The following COL24A1 variants were observed in gnomAD, a reference collection of about 807,000 sequenced individuals.
COL24A1 encodes the protein collagen alpha-1(XXIV) chain.
A neutral mutation model predicts 253.9 loss-of-function variants in COL24A1; 224 were observed. The observed-to-expected ratio is 0.88, with a 90% CI of 0.79 to 0.99. The LOEUF is 0.99. Among genes scored for constraint, COL24A1 ranks in the 50% least tolerant of loss-of-function variants. COL24A1 has a pLI of 0.00. For missense variants in COL24A1, 2,131 were observed against 2,068.5 expected (o/e 1.03, Z -0.59); for synonymous variants, 685 against 673.7 (o/e 1.02, Z -0.26).
intron 4 of COL24A1, among the ~76,000 whole-genome samples, chr1:86,114,072 T>C (rs986613127): frequency 5.9e-5 from 9 of 152,078 alleles, no homozygotes; most frequent in African/African-American, 2.2e-4. Context: ...GAAAAATTAA[T>C]ATCAATGAAA....
At chr1:85,827,240 G>A (rs936198022) in intron 43 of COL24A1, among the ~76,000 whole-genome samples, 198 of 151,754 alleles carry the variant, frequency 1.3e-3, no homozygotes, top group African/African-American at 4.3e-3. Flanking sequence ...ATTGAATTGC[G>A]TATATTGAAC....
Position 86,089,222 on chromosome 1 carries a change from A to G in COL24A1, c.1659T>C (p.Asp553=), listed in dbSNP as rs1703306503. ...PGQPVPGEKG[D]QGLSGLMGPP... ...GGCCCATTAATCCAGAAAGGCCTTG[A>G]TCACCCTATAAACAAAATACAGACG... Residue 553 remains aspartate, a synonymous_variant, in exon 7 of 60, where the codon GAT becomes GAC. Coordinates refer to ENST00000370571, the MANE Select transcript of COL24A1 (RefSeq NM_152890.7). 6 of 1,587,046 alleles carry G rather than the reference A, an allele frequency of 3.8e-6. No homozygotes were observed. The East Asian group carries it at 1.4e-4, about 36-fold the overall frequency.
At chr1:85,827,276 C>G (rs1188106110) in intron 43 of COL24A1, among the ~76,000 whole-genome samples, 1 of 151,406 alleles carries the variant, frequency 6.6e-6, no homozygotes, top group Non-Finnish European at 1.5e-5. Context: ...GGGATGAAGC[C>G]CACTTGATCA....
At position 86,066,363 on chromosome 1, in the gene COL24A1, G is replaced by A. The variant is rs560284442; in HGVS notation, c.1708-2604C>T. Among the ~76,000 whole-genome samples, 49 of 149,920 alleles carry A rather than the reference G, an allele frequency of 3.3e-4. 1 individual carries two copies. Among genetic ancestry groups the A allele is most frequent in the Non-Finnish European group, 5.6e-4 (38 of 67,572 alleles). Reference sequence around the variant, plus strand: ...GCGCCATTCTCCTGCCTCAGCCTCCGGAGTAGCTGGGACTTCAGGCGCCCG... The same window carrying A: ...GCGCCATTCTCCTGCCTCAGCCTCCAGAGTAGCTGGGACTTCAGGCGCCCG... On this transcript the variant is annotated intron_variant, in intron 7 of 59. Transcript: ENST00000370571.
intron 47 of COL24A1, among the ~76,000 whole-genome samples, chr1:85,793,351 C>A (rs777500554): frequency 6.6e-6 from 1 of 151,750 alleles, no homozygotes; most frequent in African/African-American, 2.4e-5. Context: ...CATTTATCTG[C>A]GTTAGTGGGG....
chr1:85,745,542 G>C (rs762454250), intron 55 of COL24A1, 36 bp from the exon 56 acceptor site: 3 of 1,481,420 alleles, frequency 2.0e-6, no homozygotes, highest in Non-Finnish European at 2.8e-6. Flanking sequence ...TTAGCAATAA[G>C]ATCAACACTG....
intron 19 of COL24A1, among the ~76,000 whole-genome samples, chr1:85,995,559 G>A (rs1477594951): frequency 6.6e-6 from 1 of 152,184 alleles, no homozygotes; most frequent in Non-Finnish European, 1.5e-5. Context: ...ACAAAAAGCA[G>A]ATCCCCCCAT....
intron 12 of COL24A1, 73 bp from the exon 13 acceptor site, chr1:86,033,996 T>C: frequency 9.4e-6 from 11 of 1,169,702 alleles, no homozygotes; most frequent in Non-Finnish European, 1.3e-5. Context: ...TAACAAAGAA[T>C]TTAGTAATAG....
chr1:85,836,550 G>A (rs536357811), intron 43 of COL24A1, among the ~76,000 whole-genome samples: 7 of 152,244 alleles, frequency 4.6e-5, no homozygotes, highest in South Asian at 2.1e-4. Flanking sequence ...TAAATAAAGC[G>A]TGGTTCCTCT....
At chr1:85,880,610 T>A (rs1489085854) in intron 32 of COL24A1, among the ~76,000 whole-genome samples, 1 of 152,194 alleles carries the variant, frequency 6.6e-6, no homozygotes, top group Non-Finnish European at 1.5e-5. Context: ...CCCTTGTTCT[T>A]AAAAGAAAAG....
chr1:85,813,460 T>A (rs1274185144), intron 47 of COL24A1, among the ~76,000 whole-genome samples: 1 of 150,814 alleles, frequency 6.6e-6, no homozygotes, highest in Non-Finnish European at 1.5e-5. Context: ...AAGACCTTTT[T>A]TTTTGCCTCC....
At chr1:85,784,204 A>G in intron 49 of COL24A1, 38 bp from the exon 50 acceptor site, 1 of 1,610,840 alleles carries the variant, frequency 6.2e-7, no homozygotes, top group South Asian at 1.1e-5. Flanking sequence ...TTATTGTACA[A>G]TGGCAGCCTG....
intron 24 of COL24A1, among the ~76,000 whole-genome samples, chr1:85,919,234 T>C (rs1442913647): frequency 6.6e-6 from 1 of 151,844 alleles, no homozygotes; most frequent in African/African-American, 2.4e-5. Flanking sequence ...AGGCTGTTTC[T>C]TTCTGCAGCA....
rs770152751 is a variant in COL24A1, at chr1:86,124,646, G to A, written c.1491+199C>T. Among the ~76,000 whole-genome samples, 21 of 151,962 alleles carry A rather than the reference G, an allele frequency of 1.4e-4. 2 individuals are homozygous for A. Among genetic ancestry groups the A allele is most frequent in the Admixed American group, 5.3e-4 (8 of 15,220 alleles). ...CCTACCAGATGAAGAACAAAAGCAC[G>A]ATATTTGAGCCAGGGTTACATTCTG... On this transcript the variant is annotated intron_variant, in intron 3 of 59. Transcript: ENST00000370571.
chr1:86,111,532 G>GATCAGTGCTCTGTAAAACAGACCA (rs1557668977), intron 5 of COL24A1, among the ~76,000 whole-genome samples: 2 of 151,988 alleles, frequency 1.3e-5, no homozygotes, highest in African/African-American at 4.8e-5. Flanking sequence ...AAAACAGAGC[G>GATCAGTGCTCTGTAAAACAGACCA]ATCAGCTCTC....
At chr1:86,059,057 T>C (rs1700869618) in intron 9 of COL24A1, 64 bp downstream of exon 9, 8 of 1,024,250 alleles carry the variant, frequency 7.8e-6, no homozygotes, top group Non-Finnish European at 1.1e-5. Flanking sequence ...ATTCTCAAAA[T>C]CAGAAATACA....
intron 57 of COL24A1, among the ~76,000 whole-genome samples, chr1:85,743,663 T>C (rs1158524103): frequency 3.9e-5 from 6 of 152,182 alleles, no homozygotes; most frequent in Non-Finnish European, 7.4e-5. Flanking sequence ...TCTTACAAGA[T>C]CTTTGTTCCT....
intron 43 of COL24A1, among the ~76,000 whole-genome samples, chr1:85,830,127 G>T (rs971842227): frequency 9.9e-5 from 15 of 152,044 alleles, no homozygotes; most frequent in Non-Finnish European, 1.8e-4. Context: ...CTGTTTGTTA[G>T]TTTTCCTTCT....
At chr1:85,955,734 A>AAC (rs1476717210) in intron 24 of COL24A1, among the ~76,000 whole-genome samples, 2 of 152,254 alleles carry the variant, frequency 1.3e-5, no homozygotes, top group Non-Finnish European at 2.9e-5. Context: ...AACATGTATC[A>AAC]AGCTAATTTC....
Sources: gnomAD v4.1 joint callset for allele counts (sites outside exome capture counted in the v4.1 genomes callset) on GRCh38, gnomAD v4.1.1 for gene constraint, MANE v1.5 for transcripts, NCBI Gene and HGNC (gene_info 2026-07-23, HGNC 2026-07-21) for gene names.